ASAP1: variants seen among roughly 807,000 people sequenced by gnomAD.
ASAP1 encodes arf-GAP with SH3 domain, ANK repeat and PH domain-containing protein 1.
A neutral mutation model predicts 145.2 loss-of-function variants in ASAP1; 43 were observed. The observed-to-expected ratio is 0.30, with a 90% CI of 0.23 to 0.38. The LOEUF (loss-of-function observed/expected upper bound fraction) is 0.38. ASAP1 is among the 10% of genes least tolerant of loss of function. The probability of loss-of-function intolerance (pLI) is 1.00; values close to 1 mark genes in which losing one functional copy is unlikely to be tolerated. For missense variants in ASAP1, 1,018 were observed against 1,355.3 expected (o/e 0.75, Z 3.91); for synonymous variants, 546 against 515.5 (o/e 1.06, Z -0.80).
At chr8:130,075,200 G>A (rs745718599) in intron 27 of ASAP1, among the ~76,000 whole-genome samples, 1 of 152,162 alleles carries the variant, frequency 6.6e-6, no homozygotes, top group Non-Finnish European at 1.5e-5. Context: ...AAAACAGCCC[G>A]TTGGGCAGAG....
At chr8:130,276,639 T>G (rs1820898930) in intron 3 of ASAP1, among the ~76,000 whole-genome samples, 1 of 151,462 alleles carries the variant, frequency 6.6e-6, no homozygotes, top group Non-Finnish European at 1.5e-5. Context: ...CAAATGGATT[T>G]GTGATTGGGA....
intron 2 of ASAP1, among the ~76,000 whole-genome samples, chr8:130,382,304 A>G (rs981399701): frequency 2.0e-5 from 3 of 151,600 alleles, no homozygotes; most frequent in Non-Finnish European, 2.9e-5. Context: ...AAAAAAAAAA[A>G]AAAAAGAAAT....
intron 3 of ASAP1, among the ~76,000 whole-genome samples, chr8:130,241,437 C>T (rs908360358): frequency 6.6e-5 from 10 of 152,214 alleles, no homozygotes; most frequent in Admixed American, 5.2e-4. Flanking sequence ...CTGTTCATGG[C>T]TGAGTTCCTA....
chr8:130,089,564 C>T (rs771224898), intron 25 of ASAP1, among the ~76,000 whole-genome samples: 4 of 152,140 alleles, frequency 2.6e-5, no homozygotes, highest in Admixed American at 6.5e-5. Context: ...AAGGTTGATC[C>T]CCTAAGTGCC....
rs141834751 is a variant in ASAP1 at position 130,360,235 on chromosome 8, G to A, written c.60-2092C>T. ...GGAGTCGCTATAGTATAAAGAATCT[G>A]CAGAGAAGGCTTTGCTGACAAGGTG... On this transcript the variant is annotated intron_variant, in intron 2 of 29. Transcript: ENST00000518721. Among the ~76,000 whole-genome samples, 486 of 152,328 alleles carry A rather than the reference G, an allele frequency of 3.2e-3. 8 individuals are homozygous for A. The highest frequency in any genetic ancestry group is 0.011 in the African/African-American group (457 of 41,584).
chr8:130,130,142 C>T (rs1340814916), intron 15 of ASAP1, among the ~76,000 whole-genome samples: 6 of 152,080 alleles, frequency 3.9e-5, no homozygotes, highest in African/African-American at 1.4e-4. Context: ...GATTGAACAC[C>T]CCAAATTTGA....
At chr8:130,409,062 G>A (rs1829154206) in intron 1 of ASAP1, among the ~76,000 whole-genome samples, 1 of 152,122 alleles carries the variant, frequency 6.6e-6, no homozygotes, top group Admixed American at 6.5e-5. Flanking sequence ...AGGAGTTCGA[G>A]ACCAGCCTGG....
intron 7 of ASAP1, among the ~76,000 whole-genome samples, chr8:130,182,547 C>T (rs1351307624): frequency 1.3e-5 from 2 of 152,126 alleles, no homozygotes; most frequent in Admixed American, 6.5e-5. Flanking sequence ...CATCCTAAAA[C>T]TTGAAACCTA....
chr8:130,375,987 C>A (rs1827471817), intron 2 of ASAP1, among the ~76,000 whole-genome samples: 1 of 152,166 alleles, frequency 6.6e-6, no homozygotes, highest in Non-Finnish European at 1.5e-5. Flanking sequence ...TCTACCCCTG[C>A]CTCTTCAGAG....
At chr8:130,237,207 G>T (rs1565122125) in intron 3 of ASAP1, among the ~76,000 whole-genome samples, 1 of 152,078 alleles carries the variant, frequency 6.6e-6, no homozygotes, top group Non-Finnish European at 1.5e-5. Flanking sequence ...ACAAAGCTCA[G>T]TGTGTGAAAT....
chr8:130,406,642 C>G (rs1452962825), intron 1 of ASAP1, among the ~76,000 whole-genome samples: 1 of 152,026 alleles, frequency 6.6e-6, no homozygotes, highest in African/African-American at 2.4e-5. Context: ...CCACCATGCC[C>G]AGCTAATTTT....
At chr8:130,382,847 A>C (rs1390495040) in intron 2 of ASAP1, among the ~76,000 whole-genome samples, 1 of 151,892 alleles carries the variant, frequency 6.6e-6, no homozygotes, top group East Asian at 1.9e-4. Flanking sequence ...ACTGTCTCCA[A>C]AAAAAAAGAA....
chr8:130,099,345 A>AT (rs557493667), intron 24 of ASAP1, among the ~76,000 whole-genome samples: 81 of 151,366 alleles, frequency 5.4e-4, no homozygotes, highest in African/African-American at 1.8e-3. Flanking sequence ...CGCCTGGCTA[A>AT]TTTTTTTTGT....
At chr8:130,381,236 G>T (rs571820697) in intron 2 of ASAP1, among the ~76,000 whole-genome samples, 1 of 152,150 alleles carries the variant, frequency 6.6e-6, no homozygotes, top group South Asian at 2.1e-4. Context: ...ACTGTGTTGC[G>T]CAGGTTGGTC....
At chr8:130,433,156 CAGG>C (rs1025526228) in intron 1 of ASAP1, among the ~76,000 whole-genome samples, 5 of 152,202 alleles carry the variant, frequency 3.3e-5, no homozygotes, top group African/African-American at 4.8e-5. Context: ...TTTTCTAGAT[CAGG>C]AGTTCTGTAT....
At chr8:130,154,663 A>G (rs2097654355) in intron 12 of ASAP1, among the ~76,000 whole-genome samples, 1 of 152,218 alleles carries the variant, frequency 6.6e-6, no homozygotes, top group Non-Finnish European at 1.5e-5. Flanking sequence ...CCACAACACA[A>G]ATTTAAAACC....
In ASAP1 at chr8:130,235,620, A is replaced by G. The variant is rs1474785636; in HGVS notation, c.259+1302T>C. On this transcript the variant is annotated intron_variant, in intron 4 of 29. Transcript: ENST00000518721. ...TAAAACAACATTTGGTCATAACTAC[A>G]TGACTATTAGTTATCTACCTTAATG... is the stretch of plus-strand genomic sequence containing the variant. Among the ~76,000 whole-genome samples, 3 of 152,224 alleles carry G rather than the reference A, an allele frequency of 2.0e-5. No individual in the cohort carries two copies. In the East Asian group the frequency reaches 5.8e-4, roughly 29 times the overall value.
chr8:130,230,845 T>C (rs1817869708), intron 4 of ASAP1, among the ~76,000 whole-genome samples: 2 of 152,186 alleles, frequency 1.3e-5, no homozygotes, highest in East Asian at 1.9e-4. Context: ...TAATCTATTA[T>C]GTCTCTTACA....
At chr8:130,393,255 G>T (rs1284266693) in intron 2 of ASAP1, among the ~76,000 whole-genome samples, 1 of 152,150 alleles carries the variant, frequency 6.6e-6, no homozygotes, top group Non-Finnish European at 1.5e-5. Context: ...ACTTGCCTTA[G>T]GAAAATCATG....
Sources: gnomAD v4.1 joint callset for allele counts (sites outside exome capture counted in the v4.1 genomes callset) on GRCh38, gnomAD v4.1.1 for gene constraint, MANE v1.5 for transcripts, NCBI Gene and HGNC (gene_info 2026-07-23, HGNC 2026-07-21) for gene names.